CAPZA1: variants seen among roughly 807,000 people sequenced by gnomAD.
The protein encoded by CAPZA1 is F-actin-capping protein subunit alpha-1.
A neutral mutation model predicts 40.8 loss-of-function variants in CAPZA1; 10 were observed. That is an observed-to-expected ratio of 0.25 (90% CI 0.15 to 0.42). The LOEUF (loss-of-function observed/expected upper bound fraction) is 0.42, where lower values mean the gene tolerates loss of function less well. CAPZA1 is among the 10% of genes least tolerant of loss of function. CAPZA1 has a pLI of 1.00. For synonymous variants in CAPZA1, 98 were observed against 115.0 expected (o/e 0.85, Z 0.95); for missense variants, 277 against 353.8 (o/e 0.78, Z 1.74).
intron 1 of CAPZA1, among the ~76,000 whole-genome samples, chr1:112,620,985 G>A (rs528125326): frequency 5.3e-5 from 8 of 151,592 alleles, no homozygotes; most frequent in African/African-American, 1.7e-4. Context: ...AATCTACCTG[G>A]GTGTTTTTTT....
At chr1:112,644,208 T>TTTTTTTTTTTA (rs56182538) in intron 1 of CAPZA1, among the ~76,000 whole-genome samples, 1 of 113,936 alleles carries the variant, frequency 8.8e-6, no homozygotes, top group African/African-American at 2.9e-5. Context: ...TTTTTTTTTT[T>TTTTTTTTTTTA]GAGACAGAGT....
rs965213355 is a variant in CAPZA1, at chr1:112,671,213, A to G, written c.*1081A>G. ...CCAAGAACTCAAGTGTAACTGTGAT[A>G]AAATAACCTTTCCCAGGTATATTGG... On this transcript the variant is annotated 3_prime_UTR_variant, in exon 10 of 10. Transcript: ENST00000263168. 9 of 152,660 alleles carry G rather than the reference A, an allele frequency of 5.9e-5. No homozygotes were observed. Among genetic ancestry groups the G allele is most frequent in the African/African-American group, 2.2e-4 (9 of 41,460 alleles). 9.5% of individuals were successfully genotyped at this position (152,660 alleles called of 1,614,324 possible). A position where few individuals can be genotyped will look rare whatever the true frequency, so the allele number is the denominator to read the frequency against.
chr1:112,654,703 G>C (rs777160353), intron 5 of CAPZA1, 32 bp downstream of exon 5: 43 of 1,447,924 alleles, frequency 3.0e-5, no homozygotes, highest in Non-Finnish European at 3.7e-5. Context: ...TTATCAGAGA[G>C]TGTTTTCTTA....
At chr1:112,663,260 G>C (rs560113458) in intron 7 of CAPZA1, among the ~76,000 whole-genome samples, 1 of 152,098 alleles carries the variant, frequency 6.6e-6, no homozygotes, top group African/African-American at 2.4e-5. Context: ...CACTGCACCC[G>C]GCTCATTCCC....
At chr1:112,660,986 T>G (rs756412782) in intron 7 of CAPZA1, among the ~76,000 whole-genome samples, 58 of 151,914 alleles carry the variant, frequency 3.8e-4, no homozygotes, top group Admixed American at 2.3e-3. Flanking sequence ...GCCTCCCAAG[T>G]AGCTGGGATT....
intron 1 of CAPZA1, chr1:112,620,853 G>A (rs926329053): frequency 2.0e-5 from 3 of 152,232 alleles, no homozygotes; most frequent in Non-Finnish European, 4.4e-5. Flanking sequence ...TTTTCAGTAA[G>A]TACATGGTTT....
At chr1:112,624,420 C>G (rs182064430) in intron 1 of CAPZA1, among the ~76,000 whole-genome samples, 36 of 152,002 alleles carry the variant, frequency 2.4e-4, no homozygotes, top group Admixed American at 4.6e-4. Flanking sequence ...ACCAGCCTGA[C>G]CAACACGGTG....
intron 1 of CAPZA1, among the ~76,000 whole-genome samples, chr1:112,643,664 A>G (rs1671223866): frequency 6.6e-6 from 1 of 152,204 alleles, no homozygotes; most frequent in South Asian, 2.1e-4. Flanking sequence ...TAATGGACCA[A>G]CAGAGACAGT....
chr1:112,660,428 G>A (rs1671582429), intron 7 of CAPZA1, among the ~76,000 whole-genome samples: 2 of 151,942 alleles, frequency 1.3e-5, no homozygotes, highest in Admixed American at 6.6e-5. Context: ...TTACAGGCAT[G>A]CGCCATCACG....
At chr1:112,654,701 G>T (rs547210125) in intron 5 of CAPZA1, 30 bp downstream of exon 5, 2 of 1,462,932 alleles carry the variant, frequency 1.4e-6, no homozygotes, top group Non-Finnish European at 1.9e-6. Flanking sequence ...CGTTATCAGA[G>T]AGTGTTTTCT....
At chr1:112,650,304 A>G (rs377508654) in intron 3 of CAPZA1, among the ~76,000 whole-genome samples, 1 of 152,214 alleles carries the variant, frequency 6.6e-6, no homozygotes, top group Non-Finnish European at 1.5e-5. Context: ...CTGGGAAACA[A>G]TAATCTGCCC....
At chr1:112,649,782 C>A in intron 3 of CAPZA1, 1 of 360,200 alleles carries the variant, frequency 2.8e-6, no homozygotes, top group Non-Finnish European at 5.0e-6. Flanking sequence ...TTTTAAACAG[C>A]TAGCTATACA....
At chr1:112,664,764 G>A (rs544511058) in intron 7 of CAPZA1, among the ~76,000 whole-genome samples, 191 of 152,158 alleles carry the variant, frequency 1.3e-3, no homozygotes, top group African/African-American at 4.3e-3. Flanking sequence ...GTGAAACCTC[G>A]TCTCTACTAA....
At chr1:112,649,306 A>C in intron 2 of CAPZA1, 112 bp from the exon 3 acceptor site, 1 of 734,086 alleles carries the variant, frequency 1.4e-6, no homozygotes, top group Admixed American at 2.3e-5. Context: ...CTCATATAGT[A>C]CACCTGAAGA....
At chr1:112,624,359 A>C (rs1287113725) in intron 1 of CAPZA1, among the ~76,000 whole-genome samples, 1 of 152,164 alleles carries the variant, frequency 6.6e-6, no homozygotes. Context: ...TCGTAATCCC[A>C]GTACTTTGGG....
intron 1 of CAPZA1, among the ~76,000 whole-genome samples, chr1:112,635,641 T>C (rs888819578): frequency 2.6e-5 from 4 of 152,006 alleles, no homozygotes; most frequent in Non-Finnish European, 4.4e-5. Flanking sequence ...TTCCCCCTGT[T>C]AGCCAGCTGG....
At chr1:112,640,618 C>G (rs1671134710) in intron 1 of CAPZA1, among the ~76,000 whole-genome samples, 1 of 150,356 alleles carries the variant, frequency 6.7e-6, no homozygotes, top group Non-Finnish European at 1.5e-5. Context: ...GCCCCCCGCC[C>G]GGCCAGCCGC....
chr1:112,630,177 G>A (rs1670892909), intron 1 of CAPZA1, among the ~76,000 whole-genome samples: 1 of 151,942 alleles, frequency 6.6e-6, no homozygotes, highest in Admixed American at 6.6e-5. Context: ...CTAATGAGTA[G>A]CTAGGACTGC....
chr1:112,645,159 A>T (rs181386667), intron 1 of CAPZA1, among the ~76,000 whole-genome samples: 3 of 152,168 alleles, frequency 2.0e-5, no homozygotes, highest in African/African-American at 7.2e-5. Flanking sequence ...AAGCAAATCT[A>T]CTCTTTCCCT....
Sources: allele counts gnomAD v4.1 joint callset (sites outside exome capture counted in the v4.1 genomes callset), GRCh38; gene constraint gnomAD v4.1.1; transcripts MANE v1.5; gene names NCBI Gene and HGNC (gene_info 2026-07-23, HGNC 2026-07-21).